The following PCDHA8 variants were observed in gnomAD, a reference collection of about 807,000 sequenced individuals.
The protein encoded by PCDHA8 is protocadherin alpha 8.
PCDHA8 carries 53 observed loss-of-function variants against 61.8 expected under a neutral mutation model. The observed-to-expected ratio is 0.86, with a 90% CI of 0.69 to 1.08. PCDHA8 has a LOEUF of 1.08. PCDHA8 is among the 50% of genes least tolerant of loss of function. The probability of loss-of-function intolerance (pLI) is 0.00; values close to 1 mark genes in which losing one functional copy is unlikely to be tolerated. For synonymous variants in PCDHA8, 618 were observed against 556.6 expected, an observed-to-expected ratio of 1.11 and a Z score of -1.55; for missense variants, 1,293 against 1,245.0, an observed-to-expected ratio of 1.04 and a Z score of -0.58.
At chr5:140,849,467 TA>T (rs2040919541) in intron 1 of PCDHA8, 1 of 1,589,264 alleles carries the variant, frequency 6.3e-7, no homozygotes, top group African/African-American at 1.4e-5. Flanking sequence ...AGGCTGTCGA[TA>T]AAGGCTTCCC....
chr5:140,937,071 T>G (rs2091308048), intron 1 of PCDHA8, among the ~76,000 whole-genome samples: 1 of 147,932 alleles, frequency 6.8e-6, no homozygotes, highest in African/African-American at 2.5e-5. Context: ...GGAGTCTCGC[T>G]CTGTCGCCCA....
chr5:141,006,356 C>T (rs1342790572), intron 3 of PCDHA8, among the ~76,000 whole-genome samples: 4 of 151,920 alleles, frequency 2.6e-5, no homozygotes, highest in South Asian at 2.1e-4. Flanking sequence ...GGACTATAGG[C>T]GCCCACCACC....
chr5:140,999,019 A>C (rs782524233), intron 3 of PCDHA8, among the ~76,000 whole-genome samples: 1 of 152,208 alleles, frequency 6.6e-6, no homozygotes, highest in Non-Finnish European at 1.5e-5. Context: ...TGAACCCAAG[A>C]CTTTTGATAC....
In PCDHA8 at chr5:140,854,965, C is replaced by T. The variant is rs951485051; in HGVS notation, c.2394+11250C>T. Among the ~76,000 whole-genome samples the T allele has an allele frequency of 4.0e-5, 6 of 149,774 alleles. 1 individual carries two copies. Among genetic ancestry groups the T allele is most frequent in the African/African-American group, 1.5e-4 (6 of 40,950 alleles). ...TAATAAATTTCTTAATTACTTTATT[C>T]AGAATTATAATTAAGATTCTTTTTG... On this transcript the variant is annotated intron_variant, in intron 1 of 3. Coordinates refer to ENST00000531613, the MANE Select transcript of PCDHA8 (RefSeq NM_018911.3).
chr5:140,889,561 C>A (rs1170749193), intron 1 of PCDHA8, among the ~76,000 whole-genome samples: 1 of 151,898 alleles, frequency 6.6e-6, no homozygotes, highest in African/African-American at 2.4e-5. Flanking sequence ...CTTCAGAATT[C>A]TGCTTTCTGA....
chr5:140,862,965 C>T (rs1358517266), intron 1 of PCDHA8: 5 of 543,666 alleles, frequency 9.2e-6, no homozygotes, highest in African/African-American at 7.7e-5. Flanking sequence ...TCAGTGGATG[C>T]AGGCCACTTG....
chr5:141,006,491 G>A (rs142641127), intron 3 of PCDHA8, among the ~76,000 whole-genome samples: 4,876 of 152,234 alleles, frequency 0.032, 273 homozygotes, highest in African/African-American at 0.11. Context: ...GGGATTACAT[G>A]TGTGAGCCAC....
intron 1 of PCDHA8, among the ~76,000 whole-genome samples, chr5:140,924,015 A>G (rs2081623207): frequency 6.6e-6 from 1 of 152,164 alleles, no homozygotes; most frequent in Admixed American, 6.5e-5. Flanking sequence ...AACCTGGTAT[A>G]ATTGGAGGCA....
chr5:140,957,778 A>G (rs1554223119), intron 1 of PCDHA8, among the ~76,000 whole-genome samples: 4 of 152,122 alleles, frequency 2.6e-5, no homozygotes, highest in African/African-American at 9.7e-5. Context: ...AGTAAAAACT[A>G]AGTTCATCAT....
At chr5:140,884,651 T>C in intron 1 of PCDHA8, 1 of 1,604,404 alleles carries the variant, frequency 6.2e-7, no homozygotes. Context: ...GGACTCAGAA[T>C]GCTTGAAAGA....
At chr5:140,931,183 T>C (rs1225985669) in intron 1 of PCDHA8, among the ~76,000 whole-genome samples, 2 of 152,158 alleles carry the variant, frequency 1.3e-5, no homozygotes, top group Non-Finnish European at 2.9e-5. Context: ...GGGAAGGAAA[T>C]TGGTGCACTA....
chr5:140,869,158 C>T (rs782164931), intron 1 of PCDHA8: 1 of 1,613,872 alleles, frequency 6.2e-7, no homozygotes, highest in East Asian at 2.2e-5. Context: ...GCTCTGGCTT[C>T]TCCTCCTCGA....
chr5:140,954,537 T>C (rs2095052425), intron 1 of PCDHA8, among the ~76,000 whole-genome samples: 1 of 152,268 alleles, frequency 6.6e-6, no homozygotes, highest in Non-Finnish European at 1.5e-5. Flanking sequence ...TTGAGGTTTT[T>C]TTCATATGTT....
chr5:140,908,846 T>C (rs2074185614), intron 1 of PCDHA8, among the ~76,000 whole-genome samples: 1 of 152,176 alleles, frequency 6.6e-6, no homozygotes, highest in South Asian at 2.1e-4. Context: ...TGGAGTAACA[T>C]ACCCAAATGA....
chr5:140,860,055 A>G (rs1466399941), intron 1 of PCDHA8: 6 of 151,228 alleles, frequency 4.0e-5, no homozygotes, highest in African/African-American at 1.2e-4. Context: ...TTGAGAGGCC[A>G]AGGTGGGAGG....
At chr5:140,879,653 AACAAACGAAC>A (rs1168940497) in intron 1 of PCDHA8, among the ~76,000 whole-genome samples, 1 of 152,232 alleles carries the variant, frequency 6.6e-6, no homozygotes, top group African/African-American at 2.4e-5. Flanking sequence ...TGGCTGCTAT[AACAAACGAAC>A]ACAAACTGGG....
chr5:140,846,716 T>A (rs1562434614), intron 1 of PCDHA8, among the ~76,000 whole-genome samples: 1 of 149,312 alleles, frequency 6.7e-6, no homozygotes, highest in Non-Finnish European at 1.5e-5. Context: ...TAATAACCAG[T>A]CTTCATTAAA....
intron 3 of PCDHA8, among the ~76,000 whole-genome samples, chr5:140,989,748 G>A (rs868949345): frequency 1.3e-4 from 20 of 152,192 alleles, no homozygotes; most frequent in African/African-American, 4.8e-4. Context: ...GCCTAATCTG[G>A]AGAAACATAT....
rs2150481725 is a variant in PCDHA8, at chr5:140,850,382, C to A, written c.2394+6667C>A. On this transcript the variant is annotated intron_variant, in intron 1 of 3. Transcript: ENST00000531613. ...CGTTCCGCGTGGGGCTGTACACGGG[C>A]GAGATCAGCACAACGCGTGCCCTGG... 3.2e-5 allele frequency: 51 copies of A among 1,597,762 alleles called. 3 individuals are homozygous for A. In the African/African-American group the frequency reaches 5.9e-4, roughly 19 times the overall value.
Sources: allele counts gnomAD v4.1 joint callset (sites outside exome capture counted in the v4.1 genomes callset), GRCh38; gene constraint gnomAD v4.1.1; transcripts MANE v1.5; gene names NCBI Gene and HGNC (gene_info 2026-07-23, HGNC 2026-07-21).